Variants in PPA2 observed in about 807,000 individuals in gnomAD.
PPA2 encodes inorganic pyrophosphatase 2, mitochondrial.
A neutral mutation model predicts 49.5 loss-of-function variants in PPA2; 48 were observed. The observed-to-expected ratio is 0.97, with a 90% CI of 0.77 to 1.23. The LOEUF (loss-of-function observed/expected upper bound fraction) is 1.23, where lower values mean the gene tolerates loss of function less well. PPA2 is among the 50% of genes most tolerant of loss of function. The pLI, the probability that PPA2 is intolerant of heterozygous loss-of-function variation, is 0.00. For missense variants in PPA2, 429 were observed against 410.1 expected, an observed-to-expected ratio of 1.05 and a Z score of -0.40; for synonymous variants, 131 against 139.9, an observed-to-expected ratio of 0.94 and a Z score of 0.45.
chr4:105,424,113 C>T (rs2110269769), intron 7 of PPA2, 83 bp downstream of exon 7: 1 of 1,388,906 alleles, frequency 7.2e-7, no homozygotes, highest in South Asian at 1.3e-5. Flanking sequence ...ACATTTAACT[C>T]CCCTATGTGA....
chr4:105,423,031 A>C (rs1357589608), intron 7 of PPA2, among the ~76,000 whole-genome samples: 2 of 152,196 alleles, frequency 1.3e-5, no homozygotes, highest in African/African-American at 4.8e-5. Flanking sequence ...GTTTTTAACT[A>C]AATAAAATTT....
intron 6 of PPA2, among the ~76,000 whole-genome samples, chr4:105,426,627 G>A (rs973143350): frequency 2.0e-5 from 3 of 152,226 alleles, no homozygotes; most frequent in Non-Finnish European, 4.4e-5. Context: ...GAGCTTGGTA[G>A]GGGGAGAGGT....
intron 6 of PPA2, among the ~76,000 whole-genome samples, chr4:105,424,969 T>C (rs1414385062): frequency 1.3e-5 from 2 of 152,114 alleles, no homozygotes; most frequent in Non-Finnish European, 2.9e-5. Context: ...CAGGAAAACC[T>C]CATTTACCAC....
intron 7 of PPA2, 72 bp from the exon 8 acceptor site, chr4:105,399,236 A>G: frequency 1.4e-6 from 2 of 1,457,092 alleles, no homozygotes; most frequent in Non-Finnish European, 9.2e-7. Context: ...AGAGCATTGG[A>G]CTGAGGGAGC....
intron 7 of PPA2, among the ~76,000 whole-genome samples, chr4:105,421,637 T>G (rs762927616): frequency 3.3e-5 from 5 of 152,170 alleles, no homozygotes; most frequent in Non-Finnish European, 7.4e-5. Flanking sequence ...CCTACATCAA[T>G]TTTTTTCCTC....
At chr4:105,440,802 C>A (rs1213722838) in intron 5 of PPA2, among the ~76,000 whole-genome samples, 3 of 152,070 alleles carry the variant, frequency 2.0e-5, no homozygotes, top group African/African-American at 7.2e-5. Context: ...ACTCCAATTT[C>A]AACATTACCT....
At chr4:105,447,848 C>T (rs906706460) in intron 4 of PPA2, 2 of 161,104 alleles carry the variant, frequency 1.2e-5, no homozygotes, top group African/African-American at 4.8e-5. Context: ...AATCTCATGC[C>T]TCAGTCTCCT....
Position 105,449,717 on chromosome 4 carries a change from A to G in PPA2, c.268-314T>C, listed in dbSNP as rs17035600. Among the ~76,000 whole-genome samples the G allele has an allele frequency of 0.033, 5,025 of 152,264 alleles. 276 individuals carry two copies. Among genetic ancestry groups the G allele is most frequent in the African/African-American group, 0.11 (4,738 of 41,534 alleles). ...GTGTTTCAATTTTTATTTTCCAACT[A>G]AAATAGAAGTGAGAGAACCAGTCCC... On this transcript the variant is annotated intron_variant, in intron 3 of 11. Coordinates refer to ENST00000341695, the MANE Select transcript of PPA2 (RefSeq NM_176869.3).
chr4:105,452,868 A>G (rs1211208890), intron 3 of PPA2, among the ~76,000 whole-genome samples: 1 of 151,934 alleles, frequency 6.6e-6, no homozygotes, highest in Non-Finnish European at 1.5e-5. Flanking sequence ...GTTTAGATAT[A>G]TTTAGAATAT....
rs568874153 is a variant in PPA2 at position 105,369,314 on chromosome 4, T to C, written c.*411A>G. On this transcript the variant is annotated 3_prime_UTR_variant, in exon 12 of 12. Transcript: ENST00000341695. ...ATCTCTGCTCACTGCAACCTCTGCC[T>C]CCTGGGCTCAAGCAGTTCTTCTGCC... The C allele has an allele frequency of 6.5e-6, 1 of 154,862 alleles. No individual in the cohort carries two copies. Among genetic ancestry groups the C allele is most frequent in the East Asian group, 1.9e-4 (1 of 5,304 alleles). 9.6% of individuals were successfully genotyped at this position (154,862 alleles called of 1,614,324 possible).
Position 105,456,719 on chromosome 4 carries a change from G to C in PPA2, c.184C>G (p.Pro62Ala), listed in dbSNP as rs368922285. 8.7e-6 allele frequency: 14 copies of C among 1,606,974 alleles called. No homozygotes were observed. The highest frequency in any genetic ancestry group is 1.1e-5 in the Non-Finnish European group (13 of 1,176,302). ...ACCTTCAGAGGAATATCATGAAAGG[G>C]GGAAATGTAGTGACCAGTTACATTC... Reference protein sequence around the residue: ...FKNVTGHYISPFHDIPLKVNS... With the variant: ...FKNVTGHYISAFHDIPLKVNS... Residue 62 changes from proline to alanine, a missense_variant, in exon 2 of 12, where the codon CCC becomes GCC. Coordinates refer to ENST00000341695, the MANE Select transcript of PPA2 (RefSeq NM_176869.3).
Position 105,456,716 on chromosome 4 carries a change from A to G in PPA2, c.187T>C (p.Phe63Leu). Residue 63 changes from phenylalanine (F) to leucine (L), a missense_variant, in exon 2 of 12, where the codon TTT becomes CTT. Transcript: ENST00000341695. ...TTCACCTTCAGAGGAATATCATGAA[A>G]GGGGGAAATGTAGTGACCAGTTACA... ...KNVTGHYISP[F>L]HDIPLKVNSK... 6.2e-7 allele frequency: 1 copy of G among 1,608,158 alleles called. No individual in the cohort carries two copies. Among genetic ancestry groups the G allele is most frequent in the East Asian group, 2.2e-5 (1 of 44,662 alleles).
chr4:105,388,371 T>C (rs1476980097), intron 9 of PPA2, among the ~76,000 whole-genome samples: 1 of 152,044 alleles, frequency 6.6e-6, no homozygotes, highest in Non-Finnish European at 1.5e-5. Context: ...AGAATGACAA[T>C]ATTTAAGCCA....
chr4:105,456,593 C>T, intron 2 of PPA2, 88 bp downstream of exon 2: 1 of 1,124,076 alleles, frequency 8.9e-7, no homozygotes, highest in South Asian at 1.5e-5. Flanking sequence ...TCCAACAACA[C>T]TTTTTCCTTT....
intron 7 of PPA2, among the ~76,000 whole-genome samples, chr4:105,410,165 G>A (rs1282503674): frequency 3.3e-5 from 5 of 152,140 alleles, no homozygotes; most frequent in Non-Finnish European, 7.4e-5. Context: ...TAAAAACCTT[G>A]AAAAAGGTTA....
chr4:105,441,683 A>G (rs1724367941), intron 5 of PPA2, among the ~76,000 whole-genome samples: 1 of 152,194 alleles, frequency 6.6e-6, no homozygotes. Context: ...GAAAGCTACA[A>G]ACAACCTATC....
intron 8 of PPA2, 87 bp downstream of exon 8, chr4:105,398,946 TATAC>T: frequency 7.2e-7 from 1 of 1,385,266 alleles, no homozygotes. Flanking sequence ...CCATGCTATA[TATAC>T]ATATTCACAT....
At chr4:105,369,785 G>A in intron 11 of PPA2, 32 bp from the exon 12 acceptor site, 3 of 1,553,578 alleles carry the variant, frequency 1.9e-6, no homozygotes, top group Non-Finnish European at 2.7e-6. Flanking sequence ...AGGGTATTAG[G>A]GAAGGGATAA....
intron 7 of PPA2, among the ~76,000 whole-genome samples, chr4:105,408,252 A>C (rs1370915654): frequency 6.6e-6 from 1 of 152,204 alleles, no homozygotes; most frequent in East Asian, 1.9e-4. Flanking sequence ...AAAACCACTA[A>C]GGTGCAAAAC....
Sources: allele counts gnomAD v4.1 joint callset (sites outside exome capture counted in the v4.1 genomes callset), GRCh38; gene constraint gnomAD v4.1.1; transcripts MANE v1.5; gene names NCBI Gene and HGNC (gene_info 2026-07-23, HGNC 2026-07-21).